Variants in LGI1 observed in about 807,000 individuals in gnomAD.
LGI1 encodes the protein leucine-rich glioma-inactivated protein 1.
Under a neutral mutation model 57.7 loss-of-function variants are expected in LGI1, and 11 were observed. That is an observed-to-expected ratio of 0.19 (90% CI 0.12 to 0.32). The LOEUF (loss-of-function observed/expected upper bound fraction) is 0.32. LGI1 is among the 10% of genes least tolerant of loss of function. The pLI, the probability that LGI1 is intolerant of heterozygous loss-of-function variation, is 1.00. For synonymous variants in LGI1, 222 were observed against 241.9 expected, an observed-to-expected ratio of 0.92 and a Z score of 0.76; for missense variants, 422 against 661.9, an observed-to-expected ratio of 0.64 and a Z score of 3.98.
Position 93,795,773 on chromosome 10 carries a change from G to C in LGI1, c.839-1195G>C, listed in dbSNP as rs146616282. ...TTGGTACATGTGTTGGAATCTGGTG[G>C]CCATCCTTAATCTAGTCTAAAGTCT... On this transcript the variant is annotated intron_variant, in intron 7 of 7. Coordinates refer to ENST00000371418, the MANE Select transcript of LGI1 (RefSeq NM_005097.4). Among the ~76,000 whole-genome samples the C allele has an allele frequency of 1.5e-3, 227 of 152,306 alleles. 1 individual carries two copies. The highest frequency in any genetic ancestry group is 5.0e-3 in the African/African-American group (208 of 41,562).
intron 2 of LGI1, among the ~76,000 whole-genome samples, chr10:93,775,025 T>G (rs570962612): frequency 6.6e-6 from 1 of 152,352 alleles, no homozygotes; most frequent in South Asian, 2.1e-4. Flanking sequence ...GATTATGGTA[T>G]TCATTATTAT....
chr10:93,761,438 G>T lies in LGI1; in HGVS notation c.287+2607G>T, dbSNP rs181873350. Among the ~76,000 whole-genome samples, 696 of 152,302 alleles carry T rather than the reference G, an allele frequency of 4.6e-3. 8 individuals are homozygous for T. Among genetic ancestry groups the T allele is most frequent in the Non-Finnish European group, 6.7e-3 (453 of 68,030 alleles). On this transcript the variant is annotated intron_variant, in intron 2 of 7. Coordinates refer to ENST00000371418, the MANE Select transcript of LGI1 (RefSeq NM_005097.4). ...CAGTTCGTTGGTTTCTTGCTTTATT[G>T]TTGGGAAGGGTTAAAGCAAATGTCC...
At chr10:93,770,561 C>T (rs2059725293) in intron 2 of LGI1, 1 of 152,258 alleles carries the variant, frequency 6.6e-6, no homozygotes, top group Non-Finnish European at 1.5e-5. Context: ...CATGTTAACC[C>T]TGTTGCCTAC....
chr10:93,768,832 A>G (rs1357298898), intron 2 of LGI1: 3 of 152,202 alleles, frequency 2.0e-5, no homozygotes, highest in Non-Finnish European at 4.4e-5. Context: ...TAAAAAGAGG[A>G]GTTGGACTAC....
chr10:93,778,398 T>TAC (rs1462450472), intron 4 of LGI1, among the ~76,000 whole-genome samples: 5 of 149,882 alleles, frequency 3.3e-5, no homozygotes, highest in Non-Finnish European at 5.9e-5. Flanking sequence ...CACATGTGCA[T>TAC]ACACACACAC....
chr10:93,777,485 C>T, intron 3 of LGI1, 35 bp downstream of exon 3: 2 of 1,607,274 alleles, frequency 1.2e-6, no homozygotes, highest in Non-Finnish European at 1.7e-6. Context: ...CATGATGATT[C>T]AGGACAAGTA....
rs3781269 is a variant in LGI1, at chr10:93,773,666, C to G, written c.288-3713C>G. On this transcript the variant is annotated intron_variant, in intron 2 of 7. Transcript: ENST00000371418. Reference sequence around the variant, plus strand: ...GTTGCAGAAGAAAAAAGCCTCCCCTCTCCTCCCACAGCCCCTTTTCTTACT... The same window carrying G: ...GTTGCAGAAGAAAAAAGCCTCCCCTGTCCTCCCACAGCCCCTTTTCTTACT... Among the ~76,000 whole-genome samples, 30 of 152,314 alleles carry G rather than the reference C, an allele frequency of 2.0e-4. No homozygotes were observed. In the East Asian group the frequency reaches 5.6e-3, roughly 28 times the overall value.
chr10:93,770,758 G>C (rs187802163), intron 2 of LGI1: 1 of 152,074 alleles, frequency 6.6e-6, no homozygotes, highest in East Asian at 1.9e-4. Flanking sequence ...TGATCCCAGA[G>C]CAATATTAAT....
At chr10:93,779,037 A>G (rs1405213995) in intron 4 of LGI1, 1 of 152,220 alleles carries the variant, frequency 6.6e-6, no homozygotes, top group African/African-American at 2.4e-5. Context: ...CTTCATGTCA[A>G]TGACATGATA....
intron 7 of LGI1, 114 bp downstream of exon 7, chr10:93,793,464 C>A: frequency 3.2e-6 from 3 of 940,500 alleles, no homozygotes; most frequent in Admixed American, 1.8e-5. Context: ...CCAACTCTAC[C>A]ATTTGTTAAG....
chr10:93,788,737 CT>C (rs1195102305), intron 4 of LGI1: 3 of 152,134 alleles, frequency 2.0e-5, no homozygotes, highest in African/African-American at 7.2e-5. Context: ...ACATAACTAA[CT>C]TAAAAATAAG....
intron 2 of LGI1, among the ~76,000 whole-genome samples, chr10:93,776,221 A>T (rs1246910212): frequency 1.3e-5 from 2 of 152,208 alleles, no homozygotes; most frequent in Non-Finnish European, 2.9e-5. Flanking sequence ...AAATGCAAGA[A>T]ATCATCTCAT....
At chr10:93,786,222 A>G (rs115040150) in intron 4 of LGI1, among the ~76,000 whole-genome samples, 3,076 of 47,266 alleles carry the variant, frequency 0.065, 858 homozygotes, top group African/African-American at 0.085. Context: ...AGACATTTGC[A>G]TGACCTGACC....
chr10:93,796,569 A>G (rs1446846684), intron 7 of LGI1, among the ~76,000 whole-genome samples: 3 of 152,200 alleles, frequency 2.0e-5, no homozygotes, highest in African/African-American at 4.8e-5. Context: ...TGGGAAAATT[A>G]ATGAGGTAAA....
intron 2 of LGI1, chr10:93,764,212 T>C (rs1470121761): frequency 6.6e-6 from 1 of 152,208 alleles, no homozygotes; most frequent in Non-Finnish European, 1.5e-5. Context: ...TGGTAAATTA[T>C]ACTTTGCCTG....
At chr10:93,766,564 G>A (rs1174906479) in intron 2 of LGI1, among the ~76,000 whole-genome samples, 1 of 133,696 alleles carries the variant, frequency 7.5e-6, no homozygotes, top group African/African-American at 2.9e-5. Flanking sequence ...GAGTGCAGTG[G>A]CGCGATCTCG....
intron 2 of LGI1, chr10:93,765,822 T>C (rs1231607517): frequency 6.6e-6 from 1 of 151,852 alleles, no homozygotes; most frequent in East Asian, 1.9e-4. Context: ...TACACAAAAT[T>C]AGCCATGCGT....
intron 2 of LGI1, chr10:93,765,061 A>G (rs1350354473): frequency 6.6e-6 from 1 of 152,216 alleles, no homozygotes; most frequent in East Asian, 1.9e-4. Context: ...AAAACATGCC[A>G]GATTTTGTTT....
At chr10:93,796,305 C>T (rs999557799) in intron 7 of LGI1, among the ~76,000 whole-genome samples, 3 of 152,188 alleles carry the variant, frequency 2.0e-5, no homozygotes, top group African/African-American at 7.2e-5. Context: ...GCAGTTCAGA[C>T]TTAGAGCAAA....
Sources: gnomAD v4.1 joint callset for allele counts (sites outside exome capture counted in the v4.1 genomes callset) on GRCh38, gnomAD v4.1.1 for gene constraint, MANE v1.5 for transcripts, NCBI Gene and HGNC (gene_info 2026-07-23, HGNC 2026-07-21) for gene names.